Variants in CUX1 observed in about 807,000 individuals in gnomAD.
CUX1 encodes protein CASP.
In CUX1, 31 loss-of-function variants were observed where a neutral mutation model predicts 158.8. The ratio of observed to expected loss-of-function variants is 0.20; its 90% CI spans 0.15 to 0.26. CUX1 has a LOEUF of 0.26. Ranked by LOEUF, CUX1 falls within the 10% of genes least tolerant of loss-of-function variation. CUX1 has a pLI of 1.00. For synonymous variants in CUX1, 879 were observed against 862.1 expected (o/e 1.02, Z -0.34); for missense variants, 1,589 against 2,014.6 (o/e 0.79, Z 4.04).
In CUX1 at chr7:102,238,837, G is replaced by A. The variant is rs536719965; in HGVS notation, c.3623-483G>A. Among the ~76,000 whole-genome samples the A allele has an allele frequency of 3.2e-4, 49 of 152,340 alleles. No individual in the cohort carries two copies. In the South Asian group the frequency reaches 9.7e-3, roughly 30 times the overall value. The stretch of plus-strand genomic sequence containing the variant: ...TTCCGTCAGAGCAGGTCCTTGGTGA[G>A]CATGTGCTGGTAACAGAATGGCTCT... On this transcript the variant is annotated intron_variant, in intron 22 of 23. Transcript: ENST00000292535.
At chr7:101,984,135 CACACAT>C (rs1175496528) in intron 2 of CUX1, among the ~76,000 whole-genome samples, 5 of 63,364 alleles carry the variant, frequency 7.9e-5, no homozygotes, top group African/African-American at 2.9e-4. Context: ...TATATACACA[CACACAT>C]ATATATATGT....
chr7:102,178,351 G>A, intron 10 of CUX1, 118 bp from the exon 11 acceptor site: 1 of 1,004,708 alleles, frequency 1.0e-6, no homozygotes, highest in Non-Finnish European at 1.5e-6. Flanking sequence ...GTGACATCCT[G>A]CCATCACCAT....
rs1163056522 is a variant in CUX1 at position 101,984,113 on chromosome 7, T to A, written c.142-43985T>A. On this transcript the variant is annotated intron_variant, in intron 2 of 23. Coordinates refer to ENST00000292535, the MANE Select transcript of CUX1 (RefSeq NM_181552.4). ...AAATATATATATATATATATATATA[T>A]ATATATATATATATATACACACACA... Among the ~76,000 whole-genome samples the A allele has an allele frequency of 1.4e-3, 96 of 70,542 alleles. 5 individuals are homozygous for A. Among genetic ancestry groups the A allele is most frequent in the Non-Finnish European group, 2.2e-3 (82 of 36,646 alleles). The allele number at this position is 70,542 out of a possible 152,430, so 46.3% of individuals were successfully genotyped here. A position where few individuals can be genotyped will look rare whatever the true frequency, so the allele number is the denominator to read the frequency against.
At position 102,225,980 on chromosome 7, in the gene CUX1, A is replaced by G. The variant is rs531131181; in HGVS notation, c.3131-1387A>G. Reference sequence around the variant, plus strand: ...GGGCCAGGGGCAGATTCTGCCTTGCAGGCAGGACCTCAGCCCGAAGCCACA... The same window carrying G: ...GGGCCAGGGGCAGATTCTGCCTTGCGGGCAGGACCTCAGCCCGAAGCCACA... On this transcript the variant is annotated intron_variant, in intron 20 of 23. Coordinates refer to ENST00000292535, the MANE Select transcript of CUX1 (RefSeq NM_181552.4). Among the ~76,000 whole-genome samples the G allele has an allele frequency of 6.1e-4, 93 of 152,394 alleles. 1 individual carries two copies. Among genetic ancestry groups the G allele is most frequent in the African/African-American group, 1.9e-3 (79 of 41,604 alleles).
intron 1 of CUX1, among the ~76,000 whole-genome samples, chr7:101,819,550 T>C (rs1277184218): frequency 2.0e-5 from 3 of 152,206 alleles, no homozygotes; most frequent in Non-Finnish European, 4.4e-5. Context: ...TGGAAGTGTG[T>C]ATGTTACTGG....
intron 4 of CUX1, among the ~76,000 whole-genome samples, chr7:102,089,948 G>A (rs1828359132): frequency 6.6e-6 from 1 of 152,172 alleles, no homozygotes; most frequent in Non-Finnish European, 1.5e-5. Context: ...CCTTCCTTCA[G>A]GGAAGTCTTG....
chr7:102,121,919 G>A (rs1690278793), intron 8 of CUX1, among the ~76,000 whole-genome samples: 1 of 152,108 alleles, frequency 6.6e-6, no homozygotes, highest in African/African-American at 2.4e-5. Context: ...GTGAAGGCAG[G>A]CGTTCCTGGG....
At position 102,273,260 on chromosome 7, in the gene CUX1, C is replaced by T. The variant is rs1791358050; in HGVS notation, c.1256-106C>T. ...GAATAGCCAGCACTCTCACAGCATC[C>T]AGGCAGCCCTGCTTCCAGACCGTGG... On this transcript the variant is annotated intron_variant, in intron 14 of 22. Transcript: ENST00000292538. 2.1e-6 allele frequency: 3 copies of T among 1,458,988 alleles called. No homozygotes were observed. The African/African-American group carries it at 4.2e-5, about 20-fold the overall frequency. The allele number at this position is 1,458,988 out of a possible 1,614,324, so 90.4% of individuals were successfully genotyped here.
intron 1 of CUX1, among the ~76,000 whole-genome samples, chr7:101,889,543 G>A (rs1368845437): frequency 5.9e-5 from 9 of 152,184 alleles, no homozygotes; most frequent in Non-Finnish European, 8.8e-5. Context: ...GGCCGAGGCC[G>A]GCGGATCACT....
At chr7:102,192,126 G>T (rs146291377) in intron 12 of CUX1, among the ~76,000 whole-genome samples, 7 of 152,072 alleles carry the variant, frequency 4.6e-5, no homozygotes, top group Non-Finnish European at 8.8e-5. Context: ...GCTCTTGCCC[G>T]CGTCCCCTTC....
rs147431901 is a variant in CUX1 at position 102,027,573 on chromosome 7, G to A, written c.142-525G>A. 5.3e-5 allele frequency among the ~76,000 whole-genome samples: 8 copies of A among 151,638 alleles called. No homozygotes were observed. The East Asian group carries it at 1.6e-3, about 30-fold the overall frequency. ...CAGGAGTTAGTAGAAATAAAACATC[G>A]TTGTAGGCCAGGTGCGGTGGCTCAC... is the stretch of plus-strand genomic sequence containing the variant. On this transcript the variant is annotated intron_variant, in intron 2 of 23. Coordinates refer to ENST00000292535, the MANE Select transcript of CUX1 (RefSeq NM_181552.4).
chr7:101,864,785 A>C (rs1401877884), intron 1 of CUX1, among the ~76,000 whole-genome samples: 1 of 152,146 alleles, frequency 6.6e-6, no homozygotes, highest in African/African-American at 2.4e-5. Context: ...TCCTGACCTC[A>C]GGTGATCCAC....
intron 21 of CUX1, among the ~76,000 whole-genome samples, chr7:102,229,302 CT>C (rs11348387): frequency 0.81 from 98,188 of 120,836 alleles, 39,623 homozygotes; most frequent in East Asian, 0.98. Flanking sequence ...GGTGTTTCAT[CT>C]TTTTTTTTTT....
intron 2 of CUX1, among the ~76,000 whole-genome samples, chr7:102,015,518 G>A (rs1163512554): frequency 1.3e-5 from 2 of 152,084 alleles, no homozygotes; most frequent in Non-Finnish European, 2.9e-5. Flanking sequence ...GTGAGCCACC[G>A]CATCCAGCCG....
At position 102,266,037 on chromosome 7, in the gene CUX1, C is replaced by T. The variant is rs530033392; in HGVS notation, c.1256-7329C>T. ...TGACCAACATGGTGAAACCCTGTCT[C>T]TACTAAAAATACAAAAATTAGCCAG... On this transcript the variant is annotated intron_variant, in intron 14 of 22. Transcript: ENST00000292538. 5.3e-5 allele frequency among the ~76,000 whole-genome samples: 8 copies of T among 151,936 alleles called. No individual in the cohort carries two copies. The South Asian group carries it at 1.7e-3, about 32-fold the overall frequency.
Position 102,254,681 on chromosome 7 carries a change from T to G in CUX1, c.*5639T>G. 4 of 985,446 alleles carry G rather than the reference T, an allele frequency of 4.1e-6. No homozygotes were observed. Among genetic ancestry groups the G allele is most frequent in the Non-Finnish European group, 4.8e-6 (4 of 829,944 alleles). The allele number at this position is 985,446 out of a possible 1,614,324, so 61.0% of individuals were successfully genotyped here. A position where few individuals can be genotyped will look rare whatever the true frequency, so the allele number is the denominator to read the frequency against. On this transcript the variant is annotated 3_prime_UTR_variant, in exon 24 of 24. Transcript: ENST00000292535. ...ATTTAGAAAGCCCTCAGTGCTTCTG[T>G]GGTTTCACCTGGGCATCGACGACAT...
intron 2 of CUX1, among the ~76,000 whole-genome samples, chr7:101,979,657 CT>C (rs1003201476): frequency 6.1e-5 from 9 of 148,660 alleles, no homozygotes; most frequent in Admixed American, 1.3e-4. Context: ...TTTCTTTTTT[CT>C]TTTTTTTTTG....
At chr7:101,816,884 G>T (rs1791876183), upstream of CUX1, 1 of 978,386 alleles carries the variant, frequency 1.0e-6, no homozygotes, top group Non-Finnish European at 1.2e-6. Context: ...GGGCCGCGCC[G>T]CCGCTCCGGC....
intron 1 of CUX1, among the ~76,000 whole-genome samples, chr7:101,877,960 G>A (rs1782358366): frequency 6.6e-6 from 1 of 152,162 alleles, no homozygotes; most frequent in Non-Finnish European, 1.5e-5. Context: ...CCGATTTGCA[G>A]GACTCATTCC....
Sources: allele counts gnomAD v4.1 joint callset (sites outside exome capture counted in the v4.1 genomes callset), GRCh38; gene constraint gnomAD v4.1.1; transcripts MANE v1.5; gene names NCBI Gene and HGNC (gene_info 2026-07-23, HGNC 2026-07-21).